Variants in RABGAP1L observed in about 807,000 individuals in gnomAD.
RABGAP1L encodes the protein RAB GTPase activating protein 1 like, also known as rab GTPase-activating protein 1-like.
A neutral mutation model predicts 137.7 loss-of-function variants in RABGAP1L; 63 were observed. The observed-to-expected ratio is 0.46, with a 90% confidence interval of 0.37 to 0.56. RABGAP1L has a LOEUF of 0.56. Among genes scored for constraint, RABGAP1L ranks in the 20% least tolerant of loss-of-function variants. The pLI, the probability that RABGAP1L is intolerant of heterozygous loss-of-function variation, is 0.00. For missense variants in RABGAP1L, 1,095 were observed against 1,244.0 expected (o/e 0.88, Z 1.80); for synonymous variants, 431 against 433.7 (o/e 0.99, Z 0.08).
At chr1:174,981,494 A>G (rs1671101763) in intron 23 of RABGAP1L, among the ~76,000 whole-genome samples, 1 of 146,568 alleles carries the variant, frequency 6.8e-6, no homozygotes, top group East Asian at 2.1e-4. Flanking sequence ...GAGGTAGACC[A>G]TATATGTTTT....
intron 19 of RABGAP1L, among the ~76,000 whole-genome samples, chr1:174,838,107 G>C (rs954064807): frequency 2.0e-5 from 3 of 152,176 alleles, no homozygotes; most frequent in African/African-American, 7.2e-5. Context: ...TGGTGGTATA[G>C]CATATGGACA....
At chr1:174,594,921 G>A (rs1669783372) in intron 13 of RABGAP1L, among the ~76,000 whole-genome samples, 1 of 650 alleles carries the variant, frequency 1.5e-3, no homozygotes, top group Non-Finnish European at 2.5e-3. Context: ...GATTGGGGAA[G>A]TTCTCCTGGA....
chr1:174,833,907 T>TAA (rs1384934348), intron 19 of RABGAP1L, among the ~76,000 whole-genome samples: 1 of 152,050 alleles, frequency 6.6e-6, no homozygotes, highest in African/African-American at 2.4e-5. Flanking sequence ...TCTGAGGAAG[T>TAA]GACATTGTAA....
chr1:174,842,702 C>T (rs1693550063), intron 19 of RABGAP1L, among the ~76,000 whole-genome samples: 1 of 152,126 alleles, frequency 6.6e-6, no homozygotes, highest in South Asian at 2.1e-4. Flanking sequence ...ACATGGTATG[C>T]TCATAAGTTT....
chr1:174,393,002 A>C (rs553815160), intron 12 of RABGAP1L, among the ~76,000 whole-genome samples: 7 of 152,356 alleles, frequency 4.6e-5, no homozygotes, highest in South Asian at 2.1e-4. Flanking sequence ...AAAAGATGAC[A>C]AATGAAATTG....
At chr1:174,527,762 C>A (rs1312889975) in intron 13 of RABGAP1L, among the ~76,000 whole-genome samples, 1 of 152,030 alleles carries the variant, frequency 6.6e-6, no homozygotes, top group African/African-American at 2.4e-5. Context: ...CGTGTTGGAG[C>A]CTCTGTCTCC....
At chr1:174,378,946 C>T (rs999513991) in intron 12 of RABGAP1L, among the ~76,000 whole-genome samples, 1 of 129,786 alleles carries the variant, frequency 7.7e-6, no homozygotes, top group African/African-American at 3.4e-5. Flanking sequence ...TTTAATCCAT[C>T]TTGAATTGAT....
chr1:174,409,738 T>C (rs146895522), intron 13 of RABGAP1L, among the ~76,000 whole-genome samples: 1 of 152,234 alleles, frequency 6.6e-6, no homozygotes, highest in East Asian at 1.9e-4. Context: ...AGTATCTGTC[T>C]TATGCAGTTG....
intron 15 of RABGAP1L, among the ~76,000 whole-genome samples, chr1:174,691,746 A>G (rs1019778463): frequency 6.6e-6 from 1 of 152,170 alleles, no homozygotes; most frequent in Non-Finnish European, 1.5e-5. Context: ...CTTTAGACCA[A>G]TTGCATAAAT....
At chr1:174,611,981 T>C (rs907086408) in intron 13 of RABGAP1L, among the ~76,000 whole-genome samples, 6 of 152,232 alleles carry the variant, frequency 3.9e-5, no homozygotes, top group Admixed American at 2.0e-4. Flanking sequence ...TTTCTAGATA[T>C]ACAATCATGT....
chr1:174,788,220 A>G (rs1687602085), intron 18 of RABGAP1L, among the ~76,000 whole-genome samples: 1 of 152,232 alleles, frequency 6.6e-6, no homozygotes, highest in African/African-American at 2.4e-5. Context: ...AAGTGATCTT[A>G]TAATCAACTT....
intron 19 of RABGAP1L, among the ~76,000 whole-genome samples, chr1:174,867,410 T>C (rs536128522): frequency 3.5e-4 from 53 of 152,178 alleles, no homozygotes; most frequent in African/African-American, 1.1e-3. Flanking sequence ...ATATTTTCGT[T>C]ATATAAGGAT....
chr1:174,707,160 C>T (rs1334946451), intron 17 of RABGAP1L, among the ~76,000 whole-genome samples: 2 of 152,152 alleles, frequency 1.3e-5, no homozygotes, highest in East Asian at 1.9e-4. Flanking sequence ...TGAGCATTAA[C>T]TTTGAGTTGT....
chr1:174,304,062 C>T (rs531489936), intron 10 of RABGAP1L, among the ~76,000 whole-genome samples: 2 of 152,052 alleles, frequency 1.3e-5, no homozygotes, highest in Non-Finnish European at 2.9e-5. Flanking sequence ...TTCTTAGATA[C>T]TCTTTATCAG....
intron 3 of RABGAP1L, among the ~76,000 whole-genome samples, chr1:174,223,828 A>G (rs1325491377): frequency 6.6e-6 from 1 of 152,226 alleles, no homozygotes; most frequent in Non-Finnish European, 1.5e-5. Flanking sequence ...CTACAGAGTT[A>G]CAGTGATTAA....
At chr1:174,701,516 CA>C (rs1308993230) in intron 16 of RABGAP1L, among the ~76,000 whole-genome samples, 12 of 152,032 alleles carry the variant, frequency 7.9e-5, no homozygotes, top group African/African-American at 2.9e-4. Flanking sequence ...CCAAGTCGGG[CA>C]GATCACTTGA....
Position 174,384,043 on chromosome 1 carries a change from G to A in RABGAP1L, c.1560-9952G>A, listed in dbSNP as rs1277162140. ...CAAACAACCCAAATGTCCGTCAAAA[G>A]TAAATGGATCAACCAACTGTGGTAT... On this transcript the variant is annotated intron_variant, in intron 12 of 25. Coordinates refer to ENST00000681986, the MANE Select transcript of RABGAP1L (RefSeq NM_001366446.1). Among the ~76,000 whole-genome samples the A allele has an allele frequency of 3.9e-5, 6 of 152,268 alleles. No individual in the cohort carries two copies. The East Asian group carries it at 1.2e-3, about 29-fold the overall frequency.
intron 1 of RABGAP1L, among the ~76,000 whole-genome samples, chr1:174,177,567 C>T (rs1462525860): frequency 1.3e-5 from 2 of 152,136 alleles, no homozygotes; most frequent in African/African-American, 2.4e-5. Flanking sequence ...TGCCTATGTC[C>T]TGAATGGCAT....
intron 12 of RABGAP1L, among the ~76,000 whole-genome samples, chr1:174,384,520 A>T (rs1686571138): frequency 5.4e-5 from 1 of 18,368 alleles, no homozygotes. Context: ...AAAAAAAGGA[A>T]AAAAAGGAAA....
Sources: gnomAD v4.1 joint callset for allele counts (sites outside exome capture counted in the v4.1 genomes callset) on GRCh38, gnomAD v4.1.1 for gene constraint, MANE v1.5 for transcripts, NCBI Gene and HGNC (gene_info 2026-07-23, HGNC 2026-07-21) for gene names.